Variants in PDE3A observed in about 807,000 individuals in gnomAD.
The protein encoded by PDE3A is phosphodiesterase 3A.
Under a neutral mutation model 98.3 loss-of-function variants are expected in PDE3A, and 43 were observed. The ratio of observed to expected loss-of-function variants is 0.44; its 90% CI spans 0.34 to 0.56. The LOEUF (loss-of-function observed/expected upper bound fraction) is 0.56, where lower values mean the gene tolerates loss of function less well. Ranked by LOEUF, PDE3A falls within the 20% of genes least tolerant of loss-of-function variation. The pLI is 0.01. For synonymous variants in PDE3A, 663 were observed against 567.9 expected, an observed-to-expected ratio of 1.17 and a Z score of -2.38; for missense variants, 1,427 against 1,440.7, an observed-to-expected ratio of 0.99 and a Z score of 0.15.
rs1592000550 is a variant in PDE3A at position 20,508,672 on chromosome 12, A to G, written c.961-47988A>G. Among the ~76,000 whole-genome samples, 3 of 152,052 alleles carry G rather than the reference A, an allele frequency of 2.0e-5. No individual in the cohort carries two copies. The East Asian group carries it at 5.8e-4, about 29-fold the overall frequency. On this transcript the variant is annotated intron_variant, in intron 1 of 15. Coordinates refer to ENST00000359062, the MANE Select transcript of PDE3A (RefSeq NM_000921.5). ...TGAAAGCAGCCTAGATGAAGCGGTT[A>G]GAATATGGTGGTAGCTTTGCAATTG...
intron 2 of PDE3A, among the ~76,000 whole-genome samples, chr12:20,586,093 G>T (rs1466075238): frequency 6.6e-6 from 1 of 152,144 alleles, no homozygotes; most frequent in Non-Finnish European, 1.5e-5. Context: ...TTCAAGGGTG[G>T]GACTAAACCA....
chr12:20,620,317 G>A (rs937690743), intron 4 of PDE3A, among the ~76,000 whole-genome samples: 5 of 151,882 alleles, frequency 3.3e-5, no homozygotes, highest in African/African-American at 9.7e-5. Flanking sequence ...TCATATTTAC[G>A]TAAATTATAG....
rs749109710 is a variant in PDE3A at position 20,648,874 on chromosome 12, G to A, written c.2752G>A (p.Ala918Thr). ...CCTGAAGAAACACTTTGACTTCGTA[G>A]CCAAATTTAATGGCAAGGTAAATAG... ...TDLKKHFDFV[A>T]KFNGKVNDDV... The change falls in exon 13 of 16, where the codon GCC (alanine) becomes ACC (threonine). Residue 918 changes from alanine to threonine, a missense_variant. Coordinates refer to ENST00000359062, the MANE Select transcript of PDE3A (RefSeq NM_000921.5). 6.2e-7 allele frequency: 1 copy of A among 1,610,128 alleles called. No homozygotes were observed. Among genetic ancestry groups the A allele is most frequent in the Non-Finnish European group, 8.5e-7 (1 of 1,177,168 alleles).
chr12:20,425,394 A>G (rs1366253136), intron 1 of PDE3A, among the ~76,000 whole-genome samples: 1 of 152,164 alleles, frequency 6.6e-6, no homozygotes, highest in Non-Finnish European at 1.5e-5. Flanking sequence ...ACCTTTCAAA[A>G]TGAAGTCTCC....
At chr12:20,450,270 C>T (rs1470069959) in intron 1 of PDE3A, among the ~76,000 whole-genome samples, 2 of 152,142 alleles carry the variant, frequency 1.3e-5, no homozygotes, top group African/African-American at 4.8e-5. Flanking sequence ...ATGCTAAACA[C>T]TGGGGACACA....
At position 20,370,022 on chromosome 12, in the gene PDE3A, G is replaced by A; in HGVS notation, c.738G>A (p.Val246=). 3.7e-6 allele frequency: 6 copies of A among 1,613,018 alleles called. No individual in the cohort carries two copies. The highest frequency in any genetic ancestry group is 3.4e-6 in the Non-Finnish European group (4 of 1,179,946). Residue 246 remains valine (V), a synonymous_variant, in exon 1 of 16, where the codon GTG becomes GTA. Transcript: ENST00000359062. ...CTTACCTGGCGTACCTGGCCGGCGT[G>A]CTGGGGATCCTCTTGGCCAGGTACG... ...WRPYLAYLAG[V]LGILLARYVE... is the part of the protein sequence containing the mutation.
At chr12:20,409,211 C>A (rs185554447) in intron 1 of PDE3A, among the ~76,000 whole-genome samples, 4 of 152,242 alleles carry the variant, frequency 2.6e-5, no homozygotes, top group Admixed American at 2.6e-4. Flanking sequence ...TATTCACATT[C>A]TTAATAGTTG....
At chr12:20,575,595 C>G (rs1942910479) in intron 2 of PDE3A, among the ~76,000 whole-genome samples, 1 of 151,994 alleles carries the variant, frequency 6.6e-6, no homozygotes, top group Non-Finnish European at 1.5e-5. Flanking sequence ...CCTATTAACA[C>G]ATAATTTAAT....
intron 2 of PDE3A, among the ~76,000 whole-genome samples, chr12:20,571,425 C>T (rs560533642): frequency 1.2e-4 from 19 of 152,202 alleles, no homozygotes; most frequent in African/African-American, 4.3e-4. Context: ...ATGCTGACCC[C>T]CCTGGAGTTG....
At position 20,514,381 on chromosome 12, in the gene PDE3A, T is replaced by G. The variant is rs1946279066; in HGVS notation, c.961-42279T>G. On this transcript the variant is annotated intron_variant, in intron 1 of 15. Coordinates refer to ENST00000359062, the MANE Select transcript of PDE3A (RefSeq NM_000921.5). ...TTCTATTAAATTCTGTAAATGTCAT[T>G]GATCTCAAATCCATGCATCACATGT... 2.0e-5 allele frequency among the ~76,000 whole-genome samples: 3 copies of G among 152,354 alleles called. No homozygotes were observed. The Middle Eastern group carries it at 0.01, about 518-fold the overall frequency.
At chr12:20,528,187 A>G (rs1035476118) in intron 1 of PDE3A, among the ~76,000 whole-genome samples, 1 of 152,190 alleles carries the variant, frequency 6.6e-6, no homozygotes, top group African/African-American at 2.4e-5. Context: ...GCTGGGAATA[A>G]TTTCCAACCT....
At chr12:20,557,906 C>T (rs1942410907) in intron 2 of PDE3A, among the ~76,000 whole-genome samples, 1 of 152,036 alleles carries the variant, frequency 6.6e-6, no homozygotes. Flanking sequence ...AAATTTGCTG[C>T]AAGGTCAGTA....
At chr12:20,427,425 C>T (rs1294228363) in intron 1 of PDE3A, among the ~76,000 whole-genome samples, 1 of 152,166 alleles carries the variant, frequency 6.6e-6, no homozygotes, top group Non-Finnish European at 1.5e-5. Flanking sequence ...TGGAAACTGA[C>T]TTTACGTTTT....
chr12:20,552,721 C>A lies in PDE3A; in HGVS notation c.961-3939C>A. The A allele has an allele frequency of 6.2e-7, 1 of 1,614,064 alleles. No individual in the cohort carries two copies. Among genetic ancestry groups the A allele is most frequent in the Non-Finnish European group, 8.5e-7 (1 of 1,179,908 alleles). On this transcript the variant is annotated intron_variant, in intron 1 of 15. Transcript: ENST00000359062. The surrounding 1 kb of genome is among the most constrained non-coding windows in gnomAD (Gnocchi z 5.1). ...CAACGCCAAGCTGTGGAATGAGGTC[C>A]TGGCGTCACTCAAGGACCGGCCGGC...
At chr12:20,559,778 A>G (rs1188145566) in intron 2 of PDE3A, among the ~76,000 whole-genome samples, 3 of 152,256 alleles carry the variant, frequency 2.0e-5, no homozygotes, top group African/African-American at 7.2e-5. Flanking sequence ...ATGATGTCTG[A>G]GGTGTGGCTT....
At chr12:20,565,043 C>T (rs1161567773) in intron 2 of PDE3A, among the ~76,000 whole-genome samples, 1 of 152,042 alleles carries the variant, frequency 6.6e-6, no homozygotes, top group Non-Finnish European at 1.5e-5. Context: ...GAAATAAAAA[C>T]AAAAATAATA....
At chr12:20,593,103 T>A (rs7313422) in intron 2 of PDE3A, among the ~76,000 whole-genome samples, 1 of 152,164 alleles carries the variant, frequency 6.6e-6, no homozygotes, top group African/African-American at 2.4e-5. Context: ...GAGGCTGAAG[T>A]GATTAATTTG....
chr12:20,433,334 A>C, intron 1 of PDE3A, among the ~76,000 whole-genome samples: 1 of 152,290 alleles, frequency 6.6e-6, no homozygotes, highest in South Asian at 2.1e-4. Context: ...TGTTCCTGAA[A>C]TGAAACAAGA....
At chr12:20,554,634 T>G (rs1592052481) in intron 1 of PDE3A, among the ~76,000 whole-genome samples, 1 of 151,904 alleles carries the variant, frequency 6.6e-6, no homozygotes, top group East Asian at 1.9e-4. Context: ...TCATTCAGGC[T>G]GGAGTGCAGC....
Sources: allele counts gnomAD v4.1 joint callset (sites outside exome capture counted in the v4.1 genomes callset), GRCh38; gene constraint gnomAD v4.1.1; non-coding constraint Gnocchi (gnomAD v3.1); transcripts MANE v1.5; gene names NCBI Gene and HGNC (gene_info 2026-07-23, HGNC 2026-07-21).